The following EXOC6 variants were observed in gnomAD, a reference collection of about 807,000 sequenced individuals.
EXOC6 encodes exocyst complex component 6.
In EXOC6, 60 loss-of-function variants were observed where a neutral mutation model predicts 112.5. That is an observed-to-expected ratio of 0.53 (90% CI 0.43 to 0.66). EXOC6 has a LOEUF of 0.66. Among genes scored for constraint, EXOC6 ranks in the 30% least tolerant of loss-of-function variants. The pLI is 0.00. For missense variants in EXOC6, 855 were observed against 957.1 expected (o/e 0.89, Z 1.41); for synonymous variants, 295 against 308.0 (o/e 0.96, Z 0.44).
intron 1 of EXOC6, among the ~76,000 whole-genome samples, chr10:92,879,860 T>C (rs1187511450): frequency 1.3e-5 from 2 of 152,234 alleles, no homozygotes; most frequent in African/African-American, 4.8e-5. Context: ...GTGTTGTTTA[T>C]ACTTACCCAT....
chr10:93,007,169 T>A (rs1844026254), intron 19 of EXOC6, among the ~76,000 whole-genome samples: 1 of 152,194 alleles, frequency 6.6e-6, no homozygotes, highest in Admixed American at 6.5e-5. Context: ...GTTTTATATT[T>A]TCCAGTCAAG....
chr10:92,830,710 G>T (rs191228428), upstream of EXOC6, among the ~76,000 whole-genome samples: 70 of 152,290 alleles, frequency 4.6e-4, no homozygotes, highest in Middle Eastern at 6.8e-3. Context: ...TTTCCCTCGA[G>T]CAGGGGACCC....
chr10:92,987,526 C>A, intron 18 of EXOC6: 1 of 477,556 alleles, frequency 2.1e-6, no homozygotes, highest in Non-Finnish European at 2.7e-6. Context: ...AGAGTATATT[C>A]CCTTTTGCTA....
At chr10:92,948,502 TG>T in intron 14 of EXOC6, 123 bp downstream of exon 14, 2 of 592,190 alleles carry the variant, frequency 3.4e-6, no homozygotes, top group East Asian at 6.2e-5. Context: ...GGCAACTTTT[TG>T]TTGTATTGAG....
intron 17 of EXOC6, among the ~76,000 whole-genome samples, chr10:92,957,413 G>A (rs994904359): frequency 6.6e-6 from 1 of 152,144 alleles, no homozygotes; most frequent in African/African-American, 2.4e-5. Flanking sequence ...AATGTTCTTA[G>A]ATTAGGGGAT....
chr10:92,886,977 A>G (rs896329207), intron 1 of EXOC6, among the ~76,000 whole-genome samples: 2 of 152,214 alleles, frequency 1.3e-5, no homozygotes, highest in South Asian at 2.1e-4. Context: ...TATCATTACC[A>G]TCATTAAGCC....
intron 9 of EXOC6, among the ~76,000 whole-genome samples, chr10:92,930,677 A>G (rs918447749): frequency 5.9e-5 from 9 of 152,148 alleles, no homozygotes; most frequent in Non-Finnish European, 1.3e-4. Context: ...GTAAACTTTT[A>G]GGAAAAAACA....
At chr10:92,885,971 T>A (rs1175921434) in intron 1 of EXOC6, among the ~76,000 whole-genome samples, 1 of 152,176 alleles carries the variant, frequency 6.6e-6, no homozygotes, top group Non-Finnish European at 1.5e-5. Context: ...TTGCTGGTTC[T>A]AGCATATAAA....
At chr10:93,031,510 C>CTTTTTTTTTTTTT (rs778524287) in intron 20 of EXOC6, among the ~76,000 whole-genome samples, 2 of 130,450 alleles carry the variant, frequency 1.5e-5, no homozygotes, top group Non-Finnish European at 3.2e-5. Flanking sequence ...TTCTTTCTTT[C>CTTTTTTTTTTTTT]TTTTTTTTTT....
At chr10:92,933,603 A>G (rs376238497) in intron 9 of EXOC6, among the ~76,000 whole-genome samples, 20 of 152,342 alleles carry the variant, frequency 1.3e-4, no homozygotes, top group African/African-American at 4.8e-4. Flanking sequence ...ACTTAATTGA[A>G]ATATGAAATA....
intron 12 of EXOC6, among the ~76,000 whole-genome samples, chr10:92,937,115 C>T (rs1029853176): frequency 6.6e-6 from 1 of 152,136 alleles, no homozygotes; most frequent in East Asian, 1.9e-4. Context: ...GTCCTTCCTC[C>T]TTGATCACAG....
Position 92,997,464 on chromosome 10 carries a change from T to C in EXOC6, c.1954-10T>C. The C allele has an allele frequency of 6.3e-7, 1 of 1,599,926 alleles. No homozygotes were observed. The highest frequency in any genetic ancestry group is 8.5e-7 in the Non-Finnish European group (1 of 1,172,222). Reference sequence around the variant, plus strand: ...ATTTGTTTGATTTTTGGTTTGATTGTTTTAAACAGGGGAAAGTTGCTCAGA... The same window carrying C: ...ATTTGTTTGATTTTTGGTTTGATTGCTTTAAACAGGGGAAAGTTGCTCAGA... On this transcript the variant is annotated splice_polypyrimidine_tract_variant and intron_variant, in intron 18 of 21. Coordinates refer to ENST00000260762, the MANE Select transcript of EXOC6 (RefSeq NM_019053.6).
chr10:92,956,434 A>T (rs188924142), intron 17 of EXOC6, among the ~76,000 whole-genome samples: 1 of 152,266 alleles, frequency 6.6e-6, no homozygotes. Context: ...AATTCTCTTT[A>T]ACTACTTTTG....
At chr10:92,889,400 C>T (rs1226232974) in intron 1 of EXOC6, among the ~76,000 whole-genome samples, 1 of 152,102 alleles carries the variant, frequency 6.6e-6, no homozygotes, top group East Asian at 1.9e-4. Flanking sequence ...TCCTACTCAT[C>T]CAAAGCCTCC....
chr10:92,983,281 A>T (rs1842888493), intron 18 of EXOC6, among the ~76,000 whole-genome samples: 1 of 151,972 alleles, frequency 6.6e-6, no homozygotes. Flanking sequence ...TGGAAAATAG[A>T]CCCTCTCCTT....
chr10:92,844,507 T>C (rs1846983289), upstream of EXOC6, among the ~76,000 whole-genome samples: 2 of 151,944 alleles, frequency 1.3e-5, no homozygotes, highest in Non-Finnish European at 2.9e-5. Context: ...CCTGTTTCCC[T>C]CTCTACAAAA....
chr10:92,975,510 G>C (rs1185711033), intron 18 of EXOC6, among the ~76,000 whole-genome samples: 1 of 147,526 alleles, frequency 6.8e-6, no homozygotes, highest in African/African-American at 2.5e-5. Flanking sequence ...CAGCCGCCCC[G>C]TCCAGGAGGG....
intron 19 of EXOC6, among the ~76,000 whole-genome samples, chr10:93,013,647 T>C (rs149819668): frequency 6.6e-6 from 1 of 152,258 alleles, no homozygotes; most frequent in East Asian, 1.9e-4. Flanking sequence ...TTAAAAGGCA[T>C]GAACAGACAT....
intron 12 of EXOC6, among the ~76,000 whole-genome samples, chr10:92,939,160 T>C (rs150293432): frequency 2.0e-5 from 3 of 152,192 alleles, no homozygotes; most frequent in African/African-American, 7.2e-5. Flanking sequence ...TTTTGTAGTT[T>C]TTAGGCAGGG....
Sources: gnomAD v4.1 joint callset for allele counts (sites outside exome capture counted in the v4.1 genomes callset) on GRCh38, gnomAD v4.1.1 for gene constraint, MANE v1.5 for transcripts, NCBI Gene and HGNC (gene_info 2026-07-23, HGNC 2026-07-21) for gene names.